HSPA12A: variants seen among roughly 807,000 people sequenced by gnomAD.
HSPA12A encodes the protein heat shock 70 kDa protein 12A.
A neutral mutation model predicts 69.2 loss-of-function variants in HSPA12A; 28 were observed. That is an observed-to-expected ratio of 0.40 (90% CI 0.30 to 0.55). HSPA12A has a LOEUF of 0.55. Ranked by LOEUF, HSPA12A falls within the 20% of genes least tolerant of loss-of-function variation. HSPA12A has a pLI of 0.38. For synonymous variants in HSPA12A, 345 were observed against 370.5 expected (o/e 0.93, Z 0.79); for missense variants, 686 against 900.7 (o/e 0.76, Z 3.05).
At chr10:116,705,402 T>A in intron 2 of HSPA12A, 124 bp from the exon 3 acceptor site, 1 of 1,174,086 alleles carries the variant, frequency 8.5e-7, no homozygotes, top group Non-Finnish European at 1.2e-6. Flanking sequence ...CATTCTATAT[T>A]CCAGCTCAAG....
At chr10:116,736,909 G>C (rs1554886485) in intron 1 of HSPA12A, among the ~76,000 whole-genome samples, 1 of 152,146 alleles carries the variant, frequency 6.6e-6, no homozygotes, top group Non-Finnish European at 1.5e-5. Flanking sequence ...CAAATGTACT[G>C]GATAATTCCT....
upstream of HSPA12A, among the ~76,000 whole-genome samples, chr10:116,746,596 C>T (rs1851655034): frequency 6.6e-6 from 1 of 152,114 alleles, no homozygotes; most frequent in African/African-American, 2.4e-5. Context: ...GTCAAAAGGG[C>T]CCAGTAATGA....
chr10:116,792,503 G>T (rs150287293), intron 2 of HSPA12A, among the ~76,000 whole-genome samples: 1 of 151,504 alleles, frequency 6.6e-6, no homozygotes, highest in Admixed American at 6.6e-5. Context: ...TCAGCTGGGC[G>T]CAGTAGCACA....
chr10:116,833,895 C>T (rs555262158), intron 2 of HSPA12A, among the ~76,000 whole-genome samples: 1 of 151,968 alleles, frequency 6.6e-6, no homozygotes, highest in Non-Finnish European at 1.5e-5. Context: ...CTGCTTTTTA[C>T]GGAGAAAAAA....
chr10:116,689,993 G>C (rs1378044644), intron 6 of HSPA12A, among the ~76,000 whole-genome samples: 2 of 152,110 alleles, frequency 1.3e-5, no homozygotes, highest in African/African-American at 4.8e-5. Context: ...GGAACACTCA[G>C]GATAATGACT....
Position 116,707,151 on chromosome 10 carries a change from G to GCACA in HSPA12A, c.126+48_126+49insTGTG, listed in dbSNP as rs1491417541. ...CACGTGTGCTCATGCGCACCCATGC[G>GCACA]CGCACACACACACACACACACACAC... On this transcript the variant is annotated intron_variant, in intron 2 of 11. Coordinates refer to ENST00000369209, the MANE Select transcript of HSPA12A (RefSeq NM_025015.3). The GCACA allele has an allele frequency of 5.8e-3, 5,852 of 1,017,526 alleles. 165 individuals carry two copies. Among genetic ancestry groups the GCACA allele is most frequent in the East Asian group, 0.014 (317 of 22,126 alleles). The allele number at this position is 1,017,526 out of a possible 1,614,324, so 63.0% of individuals were successfully genotyped here.
intron 2 of HSPA12A, among the ~76,000 whole-genome samples, chr10:116,778,405 C>A (rs1844388840): frequency 6.6e-6 from 1 of 152,170 alleles, no homozygotes; most frequent in African/African-American, 2.4e-5. Context: ...AGCAGTTCTT[C>A]AAAGCAGGCA....
At chr10:116,801,583 C>A (rs966928083) in intron 2 of HSPA12A, among the ~76,000 whole-genome samples, 3 of 152,068 alleles carry the variant, frequency 2.0e-5, no homozygotes, top group African/African-American at 2.4e-5. Flanking sequence ...AGCATTCCCA[C>A]GAGCGCAATA....
At chr10:116,824,405 T>C (rs1218834496) in intron 2 of HSPA12A, among the ~76,000 whole-genome samples, 1 of 152,178 alleles carries the variant, frequency 6.6e-6, no homozygotes, top group Non-Finnish European at 1.5e-5. Context: ...ATTCCTAAGA[T>C]ATACCCAAGA....
chr10:116,829,173 T>A (rs907940958), intron 2 of HSPA12A: 4 of 152,126 alleles, frequency 2.6e-5, no homozygotes, highest in Non-Finnish European at 4.4e-5. Context: ...ACTGTTCCCA[T>A]GGTAGTGAAT....
intron 5 of HSPA12A, among the ~76,000 whole-genome samples, chr10:116,693,673 C>T (rs1164768834): frequency 6.6e-6 from 1 of 152,142 alleles, no homozygotes; most frequent in African/African-American, 2.4e-5. Flanking sequence ...TCTCATTTTT[C>T]CTATTGTTTC....
intron 2 of HSPA12A, among the ~76,000 whole-genome samples, chr10:116,766,036 G>A (rs910787939): frequency 2.0e-5 from 3 of 152,080 alleles, no homozygotes; most frequent in Admixed American, 1.3e-4. Flanking sequence ...CCTGTTTGAC[G>A]GCACACACTC....
At chr10:116,779,450 G>A (rs1210195034) in intron 2 of HSPA12A, among the ~76,000 whole-genome samples, 5 of 152,268 alleles carry the variant, frequency 3.3e-5, no homozygotes, top group East Asian at 1.9e-4. Context: ...GAACCACATC[G>A]CACTCCTGCT....
chr10:116,812,739 T>G (rs1320960556), intron 2 of HSPA12A, among the ~76,000 whole-genome samples: 1 of 152,178 alleles, frequency 6.6e-6, no homozygotes, highest in Non-Finnish European at 1.5e-5. Context: ...TCAGGGAATC[T>G]GCTCATTCCA....
At chr10:116,786,492 A>G (rs1022357888) in intron 2 of HSPA12A, among the ~76,000 whole-genome samples, 14 of 152,290 alleles carry the variant, frequency 9.2e-5, no homozygotes, top group Non-Finnish European at 2.1e-4. Context: ...GGGATCCATG[A>G]TCTAAGAAAT....
chr10:116,827,732 CT>C (rs1246468511), intron 2 of HSPA12A, among the ~76,000 whole-genome samples: 2 of 152,206 alleles, frequency 1.3e-5, no homozygotes, highest in South Asian at 2.1e-4. Flanking sequence ...CGAACTGCCC[CT>C]CTTCTCCAAA....
chr10:116,774,757 C>A (rs191345462), intron 2 of HSPA12A, among the ~76,000 whole-genome samples: 52 of 152,292 alleles, frequency 3.4e-4, no homozygotes, highest in Admixed American at 5.2e-4. Context: ...GCTCCTCCCC[C>A]AGTCCCATGC....
At chr10:116,682,223 A>C (rs1206886687) in intron 7 of HSPA12A, among the ~76,000 whole-genome samples, 1 of 152,166 alleles carries the variant, frequency 6.6e-6, no homozygotes, top group East Asian at 1.9e-4. Flanking sequence ...GCGCCACTGC[A>C]CTCCAACTTG....
intron 2 of HSPA12A, among the ~76,000 whole-genome samples, chr10:116,817,704 C>T (rs1845332833): frequency 6.6e-6 from 1 of 151,956 alleles, no homozygotes; most frequent in Non-Finnish European, 1.5e-5. Flanking sequence ...CCAAAAAAAC[C>T]CTCTGCCTCA....
Sources: allele counts gnomAD v4.1 joint callset (sites outside exome capture counted in the v4.1 genomes callset), GRCh38; gene constraint gnomAD v4.1.1; transcripts MANE v1.5; gene names NCBI Gene and HGNC (gene_info 2026-07-23, HGNC 2026-07-21).